The following MLLT3 variants were observed in gnomAD, a reference collection of about 807,000 sequenced individuals.
The protein encoded by MLLT3 is protein AF-9.
Under a neutral mutation model 53.2 loss-of-function variants are expected in MLLT3, and 4 were observed. That is an observed-to-expected ratio of 0.08 (90% CI 0.04 to 0.17). The LOEUF (loss-of-function observed/expected upper bound fraction) is 0.17. Ranked by LOEUF, MLLT3 falls within the 10% of genes least tolerant of loss-of-function variation. MLLT3 has a pLI of 1.00. For missense variants in MLLT3, 569 were observed against 684.0 expected (o/e 0.83, Z 1.87); for synonymous variants, 283 against 230.6 (o/e 1.23, Z -2.06).
intron 4 of MLLT3, among the ~76,000 whole-genome samples, chr9:20,443,239 C>CA (rs1357148315): frequency 2.0e-5 from 3 of 151,346 alleles, no homozygotes; most frequent in Non-Finnish European, 4.4e-5. Flanking sequence ...GTTTCCAGGC[C>CA]AAAAAAAGAA....
At chr9:20,460,046 TCA>T (rs1824070976) in intron 2 of MLLT3, among the ~76,000 whole-genome samples, 1 of 152,194 alleles carries the variant, frequency 6.6e-6, no homozygotes, top group Non-Finnish European at 1.5e-5. Context: ...GTTTCTTAGT[TCA>T]AAAGAAACAG....
intron 2 of MLLT3, chr9:20,502,289 C>T (rs568913856): frequency 3.6e-4 from 55 of 154,258 alleles, no homozygotes; most frequent in African/African-American, 1.3e-3. Context: ...AGCCTCATGA[C>T]CAGCCACAAA....
rs1821944403 is a variant in MLLT3 at position 20,383,125 on chromosome 9, T to C, written c.1126-17381A>G. 2.6e-5 allele frequency among the ~76,000 whole-genome samples: 4 copies of C among 151,884 alleles called. No individual in the cohort carries two copies. In the South Asian group the frequency reaches 8.3e-4, roughly 31 times the overall value. ...AAGAGAAAACACAGATGGCACTGTT[T>C]GCTGGCAGCTATTAACTACACCTAC... On this transcript the variant is annotated intron_variant, in intron 5 of 10. Transcript: ENST00000380338.
At chr9:20,498,244 A>G (rs1199006934) in intron 2 of MLLT3, among the ~76,000 whole-genome samples, 1 of 128,818 alleles carries the variant, frequency 7.8e-6, no homozygotes, top group Admixed American at 7.6e-5. Context: ...AAAAAAAAAA[A>G]AAAAAAAAAA....
intron 2 of MLLT3, among the ~76,000 whole-genome samples, chr9:20,563,748 T>A (rs1227517037): frequency 9.2e-5 from 14 of 152,262 alleles, no homozygotes; most frequent in Non-Finnish European, 1.8e-4. Flanking sequence ...TAGTCAGACC[T>A]ACAGATTTCT....
chr9:20,468,196 A>G (rs1824283224), intron 2 of MLLT3, among the ~76,000 whole-genome samples: 1 of 152,248 alleles, frequency 6.6e-6, no homozygotes, highest in Non-Finnish European at 1.5e-5. Flanking sequence ...GAAATCACTC[A>G]GTTATCTAAT....
At chr9:20,422,926 A>C (rs1823049687) in intron 4 of MLLT3, among the ~76,000 whole-genome samples, 1 of 152,228 alleles carries the variant, frequency 6.6e-6, no homozygotes, top group Non-Finnish European at 1.5e-5. Context: ...TTTTATCATT[A>C]TTAACTCAAC....
At chr9:20,373,242 T>C (rs192473573) in intron 5 of MLLT3, among the ~76,000 whole-genome samples, 78 of 152,164 alleles carry the variant, frequency 5.1e-4, no homozygotes, top group African/African-American at 1.7e-3. Context: ...TTACAATAGG[T>C]CACATACTCC....
chr9:20,380,211 T>C (rs963540196), intron 5 of MLLT3: 1 of 152,000 alleles, frequency 6.6e-6, no homozygotes, highest in African/African-American at 2.4e-5. Flanking sequence ...GCTCACAGGA[T>C]GTCCTTCAAC....
intron 8 of MLLT3, among the ~76,000 whole-genome samples, chr9:20,357,659 G>A (rs1017845397): frequency 6.6e-6 from 1 of 152,130 alleles, no homozygotes; most frequent in Non-Finnish European, 1.5e-5. Context: ...CTTGGTTGAC[G>A]TGTGACTCTA....
intron 5 of MLLT3, among the ~76,000 whole-genome samples, chr9:20,404,714 C>T (rs1442278168): frequency 6.6e-6 from 1 of 152,082 alleles, no homozygotes; most frequent in Admixed American, 6.6e-5. Context: ...CTATGTTGCC[C>T]AGGCCGGTCT....
At chr9:20,381,121 T>C (rs1821898107) in intron 5 of MLLT3, among the ~76,000 whole-genome samples, 1 of 151,966 alleles carries the variant, frequency 6.6e-6, no homozygotes, top group Non-Finnish European at 1.5e-5. Flanking sequence ...TGTGCTGAAA[T>C]GAAATCTCAA....
At chr9:20,593,401 T>G (rs1183032521) in intron 2 of MLLT3, among the ~76,000 whole-genome samples, 1 of 152,170 alleles carries the variant, frequency 6.6e-6, no homozygotes, top group Non-Finnish European at 1.5e-5. Flanking sequence ...ATCAAGAAAG[T>G]CTTATCTGAG....
intron 4 of MLLT3, among the ~76,000 whole-genome samples, chr9:20,431,066 C>G (rs945395914): frequency 6.6e-6 from 1 of 151,974 alleles, no homozygotes; most frequent in African/African-American, 2.4e-5. Context: ...ACAAGTCTGA[C>G]AAGAAAATAG....
intron 2 of MLLT3, among the ~76,000 whole-genome samples, chr9:20,555,267 C>A (rs1172114091): frequency 1.3e-5 from 2 of 152,162 alleles, no homozygotes; most frequent in Non-Finnish European, 2.9e-5. Context: ...GTTGAAAACA[C>A]AGTTTCCTCT....
intron 2 of MLLT3, among the ~76,000 whole-genome samples, chr9:20,594,690 A>G (rs1017021052): frequency 2.0e-5 from 3 of 152,228 alleles, no homozygotes; most frequent in Non-Finnish European, 4.4e-5. Context: ...AAAACCCGCC[A>G]AAACCCACCA....
At chr9:20,540,723 G>A (rs1189865468) in intron 2 of MLLT3, among the ~76,000 whole-genome samples, 2 of 152,200 alleles carry the variant, frequency 1.3e-5, no homozygotes, top group African/African-American at 4.8e-5. Context: ...GAAGGTCTCT[G>A]ATATAACCCT....
intron 2 of MLLT3, among the ~76,000 whole-genome samples, chr9:20,555,984 G>C (rs918593393): frequency 6.6e-6 from 1 of 152,024 alleles, no homozygotes; most frequent in Admixed American, 6.5e-5. Flanking sequence ...CAATTGACTG[G>C]CACTGCTATA....
chr9:20,535,103 C>A (rs183461755), intron 2 of MLLT3, among the ~76,000 whole-genome samples: 2 of 152,108 alleles, frequency 1.3e-5, no homozygotes, highest in Non-Finnish European at 2.9e-5. Context: ...CGGGGCCACA[C>A]GGCAGGTCAG....
Sources: gnomAD v4.1 joint callset for allele counts (sites outside exome capture counted in the v4.1 genomes callset) on GRCh38, gnomAD v4.1.1 for gene constraint, MANE v1.5 for transcripts, NCBI Gene and HGNC (gene_info 2026-07-23, HGNC 2026-07-21) for gene names.